DHRSX: variants seen among roughly 807,000 people sequenced by gnomAD.
DHRSX encodes the protein polyprenol dehydrogenase.
A neutral mutation model predicts 34.0 loss-of-function variants in DHRSX; 31 were observed. The ratio of observed to expected loss-of-function variants is 0.91; its 90% confidence interval spans 0.69 to 1.23. The LOEUF (loss-of-function observed/expected upper bound fraction) is 1.23. DHRSX is among the 50% of genes most tolerant of loss of function. DHRSX has a pLI of 0.00. For synonymous variants in DHRSX, 201 were observed against 183.8 expected, an observed-to-expected ratio of 1.09 and a Z score of -0.76; for missense variants, 414 against 428.1, an observed-to-expected ratio of 0.97 and a Z score of 0.29.
chrX:2,226,528 C>T (rs1325790928), intron 6 of DHRSX, among the ~76,000 whole-genome samples: 4 of 152,114 alleles, frequency 2.6e-5, no homozygotes, highest in Non-Finnish European at 5.9e-5. Context: ...AACACAGGCG[C>T]GGTAGCTCAC....
chrX:2,308,234 A>C (rs973496600), intron 3 of DHRSX, among the ~76,000 whole-genome samples: 38 of 152,002 alleles, frequency 2.5e-4, no homozygotes, highest in African/African-American at 8.7e-4. Flanking sequence ...AGCTTCAGCC[A>C]ACGAGGGCGC....
At chrX:2,420,090 T>A (rs2043756986) in intron 2 of DHRSX, among the ~76,000 whole-genome samples, 1 of 152,112 alleles carries the variant, frequency 6.6e-6, no homozygotes, top group South Asian at 2.1e-4. Context: ...GAAATTGTCA[T>A]AAAGTTTTAA....
chrX:2,253,547 G>A (rs1166526827), intron 5 of DHRSX, among the ~76,000 whole-genome samples: 3 of 152,206 alleles, frequency 2.0e-5, no homozygotes, highest in African/African-American at 2.4e-5. Context: ...CAAAGATGGC[G>A]CCACTGCACT....
intron 3 of DHRSX, among the ~76,000 whole-genome samples, chrX:2,330,077 G>GA (rs1397733549): frequency 0.12 from 1,940 of 15,594 alleles, 157 homozygotes; most frequent in African/African-American, 0.3. Context: ...AGACGGCGGG[G>GA]GGGGGGGGGG....
chrX:2,434,348 A>T (rs2043966883), intron 1 of DHRSX, among the ~76,000 whole-genome samples: 1 of 152,234 alleles, frequency 6.6e-6, no homozygotes, highest in Non-Finnish European at 1.5e-5. Flanking sequence ...GCATTTTCTT[A>T]GGAGATAAGT....
intron 6 of DHRSX, among the ~76,000 whole-genome samples, chrX:2,226,298 A>C (rs1194164312): frequency 1.3e-5 from 2 of 152,110 alleles, no homozygotes. Flanking sequence ...CAGGAGCATG[A>C]GCAATTACTC....
intron 3 of DHRSX, among the ~76,000 whole-genome samples, chrX:2,320,641 G>A (rs200708895): frequency 3.0e-4 from 44 of 146,478 alleles, no homozygotes; most frequent in Non-Finnish European, 4.9e-4. Context: ...AAACCCATTC[G>A]GAAGAGTTTT....
chrX:2,273,575 T>C (rs1461579333), intron 4 of DHRSX, among the ~76,000 whole-genome samples: 1 of 152,184 alleles, frequency 6.6e-6, no homozygotes, highest in Non-Finnish European at 1.5e-5. Context: ...AGTGAACCTG[T>C]CACCCAGGAA....
intron 3 of DHRSX, among the ~76,000 whole-genome samples, chrX:2,362,001 A>T (rs1181262760): frequency 6.6e-6 from 1 of 152,186 alleles, no homozygotes; most frequent in Non-Finnish European, 1.5e-5. Context: ...TGGATATACA[A>T]CACGTAACAC....
chrX:2,346,001 T>C (rs1466718898), intron 3 of DHRSX, among the ~76,000 whole-genome samples: 7 of 152,166 alleles, frequency 4.6e-5, no homozygotes, highest in African/African-American at 1.2e-4. Context: ...CACAGTTCCC[T>C]GGTTCTGCGG....
chrX:2,464,355 A>ATG (rs1603127638), intron 1 of DHRSX, among the ~76,000 whole-genome samples: 2 of 66,904 alleles, frequency 3.0e-5, no homozygotes, highest in Admixed American at 1.3e-4. Flanking sequence ...AGGGCCGCTG[A>ATG]TGTGCACACA....
At chrX:2,325,708 G>A (rs781422692) in intron 3 of DHRSX, among the ~76,000 whole-genome samples, 20 of 152,276 alleles carry the variant, frequency 1.3e-4, no homozygotes, top group Admixed American at 1.1e-3. Context: ...CTATGTAAAT[G>A]CCATGCTTGA....
chrX:2,245,994 C>CA (rs1313375692), intron 5 of DHRSX, among the ~76,000 whole-genome samples: 1,330 of 130,850 alleles, frequency 0.01, 23 homozygotes, highest in African/African-American at 0.034. Flanking sequence ...AACACACAAA[C>CA]AAAAAAAAAA....
At chrX:2,232,023 T>G (rs865930336) in intron 6 of DHRSX, among the ~76,000 whole-genome samples, 3 of 36,430 alleles carry the variant, frequency 8.2e-5, no homozygotes, top group Non-Finnish European at 1.6e-4. Context: ...TTCTCCTCCT[T>G]CTTCCTTCTC....
At chrX:2,323,157 G>A (rs1476632577) in intron 3 of DHRSX, among the ~76,000 whole-genome samples, 1 of 152,106 alleles carries the variant, frequency 6.6e-6, no homozygotes, top group Admixed American at 6.6e-5. Context: ...GCTCAAAGAG[G>A]TACAAGAACC....
intron 3 of DHRSX, among the ~76,000 whole-genome samples, chrX:2,352,946 G>A (rs900352649): frequency 6.6e-6 from 1 of 152,104 alleles, no homozygotes; most frequent in African/African-American, 2.4e-5. Context: ...CCAAGACCAA[G>A]AGTCCAAAAC....
intron 1 of DHRSX, among the ~76,000 whole-genome samples, chrX:2,459,635 C>T (rs2044375174): frequency 6.8e-6 from 1 of 147,896 alleles, no homozygotes; most frequent in Non-Finnish European, 1.5e-5. Flanking sequence ...TGTTAACGAA[C>T]AATAAATTTT....
intron 1 of DHRSX, among the ~76,000 whole-genome samples, chrX:2,474,761 T>C (rs73622914): frequency 0.21 from 30,665 of 143,088 alleles, 4,131 homozygotes; most frequent in African/African-American, 0.4. Flanking sequence ...AGCTAAAAGA[T>C]GGCACTGAAG....
chrX:2,327,610 T>G (rs1380209342), intron 3 of DHRSX, among the ~76,000 whole-genome samples: 1 of 151,830 alleles, frequency 6.6e-6, no homozygotes, highest in African/African-American at 2.4e-5. Context: ...GTCACTGGAG[T>G]CTTAGAATGC....
Sources: gnomAD v4.1 joint callset for allele counts (sites outside exome capture counted in the v4.1 genomes callset) on GRCh38, gnomAD v4.1.1 for gene constraint, MANE v1.5 for transcripts, NCBI Gene and HGNC (gene_info 2026-07-23, HGNC 2026-07-21) for gene names.